Variants in PA2G4 observed in about 807,000 individuals in gnomAD.
PA2G4 encodes proliferation-associated 2G4.
Under a neutral mutation model 53.3 loss-of-function variants are expected in PA2G4, and 8 were observed. The ratio of observed to expected loss-of-function variants is 0.15; its 90% confidence interval spans 0.09 to 0.27. PA2G4 has a LOEUF of 0.27. Ranked by LOEUF, PA2G4 falls within the 10% of genes least tolerant of loss-of-function variation. PA2G4 has a pLI of 1.00. For synonymous variants in PA2G4, 143 were observed against 169.8 expected (o/e 0.84, Z 1.23); for missense variants, 208 against 486.8 (o/e 0.43, Z 5.39).
In PA2G4 at chr12:56,107,055, G is replaced by A. The variant is rs948397871; in HGVS notation, c.283G>A (p.Asp95Asn). ...ATGTCACTTCTCCCCTTTGAAGAGC[G>A]ACCAGGATTATATTCTCAAGGAAGG... ...CVCHFSPLKSDQDYILKEGDL... is the reference protein window; with the variant it reads ...CVCHFSPLKSNQDYILKEGDL... Residue 95 changes from aspartate to asparagine, a missense_variant, in exon 3 of 13, where the codon GAC becomes AAC. Asp to Asn is a conservative substitution (Grantham distance 23, BLOSUM62 1). This residue lies in a region of PA2G4 where 143 missense variants were observed against 386.8 expected (regional missense o/e 0.37). Coordinates refer to ENST00000303305, the MANE Select transcript of PA2G4 (RefSeq NM_006191.3). 6.2e-7 allele frequency: 1 copy of A among 1,613,890 alleles called. No individual in the cohort carries two copies. Among genetic ancestry groups the A allele is most frequent in the East Asian group, 2.2e-5 (1 of 44,888 alleles).
intron 5 of PA2G4, 98 bp downstream of exon 5, chr12:56,107,711 C>A: frequency 1.3e-6 from 1 of 745,466 alleles, no homozygotes; most frequent in South Asian, 1.6e-5. Context: ...CCCTACAGAC[C>A]CCTTATAAAA....
Position 56,113,870 on chromosome 12 carries a change from A to G in PA2G4, c.*982A>G. 1.4e-6 allele frequency: 1 copy of G among 702,334 alleles called. No homozygotes were observed. 43.5% of individuals were successfully genotyped at this position (702,334 alleles called of 1,614,324 possible). A position where few individuals can be genotyped will look rare whatever the true frequency, so the allele number is the denominator to read the frequency against. ...TATGAGGTTTTTAAACACATTGAAA[A>G]TGACATGACATTAAAATAAATTTGG... On this transcript the variant is annotated 3_prime_UTR_variant, in exon 13 of 13. Transcript: ENST00000303305.
chr12:56,107,421 T>C, intron 4 of PA2G4, 100 bp from the exon 5 acceptor site: 1 of 1,014,580 alleles, frequency 9.9e-7, no homozygotes, highest in Non-Finnish European at 1.6e-6. Context: ...CTCCTGTTCA[T>C]TGGCTGGTCT....
chr12:56,112,746 C>G (rs1477186042), intron 12 of PA2G4, 77 bp from the exon 13 acceptor site: 1 of 1,015,108 alleles, frequency 9.9e-7, no homozygotes, highest in South Asian at 1.4e-5. Flanking sequence ...AAAAAAAATA[C>G]TTTTATCTCT....
At chr12:56,104,987 G>A in intron 1 of PA2G4, 162 bp downstream of exon 1, 1 of 745,614 alleles carries the variant, frequency 1.3e-6, no homozygotes, top group Non-Finnish European at 2.4e-6. Context: ...GTCGCGCCTG[G>A]GACCTGAGCG....
intron 6 of PA2G4, 101 bp downstream of exon 6, chr12:56,109,394 C>A: frequency 1.3e-6 from 1 of 767,360 alleles, no homozygotes; most frequent in Non-Finnish European, 2.3e-6. Context: ...CTGAGGTGGG[C>A]GGATCACCTG....
chr12:56,105,789 G>A (rs1408710111), intron 1 of PA2G4, among the ~76,000 whole-genome samples: 2 of 152,144 alleles, frequency 1.3e-5, no homozygotes, highest in East Asian at 1.9e-4. Flanking sequence ...TTCCAGTTAG[G>A]GAGATACAAA....
At chr12:56,111,726 T>A (rs375389469) in intron 12 of PA2G4, among the ~76,000 whole-genome samples, 197 bp downstream of exon 12, 4 of 123,902 alleles carry the variant, frequency 3.2e-5, no homozygotes, top group Admixed American at 3.1e-4. Context: ...ATATATATAT[T>A]TTAAGAGACA....
chr12:56,109,009 C>T (rs1365339117), intron 5 of PA2G4, among the ~76,000 whole-genome samples: 1 of 151,398 alleles, frequency 6.6e-6, no homozygotes, highest in African/African-American at 2.4e-5. Context: ...GCCTGTAATC[C>T]CAGCTACTCA....
Position 56,113,558 on chromosome 12 carries a change from C to A in PA2G4, c.*670C>A. The A allele has an allele frequency of 2.7e-6, 1 of 372,256 alleles. No individual in the cohort carries two copies. Among genetic ancestry groups the A allele is most frequent in the Non-Finnish European group, 4.8e-6 (1 of 208,882 alleles). The allele number at this position is 372,256 out of a possible 1,614,324, so 23.1% of individuals were successfully genotyped here. A position where few individuals can be genotyped will look rare whatever the true frequency, so the allele number is the denominator to read the frequency against. On this transcript the variant is annotated 3_prime_UTR_variant, in exon 13 of 13. Transcript: ENST00000303305. ...TTCACAAAGCTGTAAAGAAATAATC[C>A]ATCTCAACCTTACCCTTTTTCTCTG... is the stretch of plus-strand genomic sequence containing the variant.
At chr12:56,112,771 C>G (rs1364984388) in intron 12 of PA2G4, 52 bp from the exon 13 acceptor site, 2 of 1,233,784 alleles carry the variant, frequency 1.6e-6, no homozygotes, top group African/African-American at 1.5e-5. Context: ...CCAGACATCC[C>G]CAAGTAGTTA....
At chr12:56,104,923 C>A in intron 1 of PA2G4, 98 bp downstream of exon 1, 2 of 1,091,486 alleles carry the variant, frequency 1.8e-6, no homozygotes, top group African/African-American at 1.5e-5. Flanking sequence ...GCGGACTGAG[C>A]TACTGAGGGG....
chr12:56,106,752 G>T, intron 2 of PA2G4, 36 bp downstream of exon 2: 1 of 1,575,208 alleles, frequency 6.3e-7, no homozygotes, highest in South Asian at 1.2e-5. Flanking sequence ...TTTTCCGTTT[G>T]ACCCTTATTT....
rs769459675 is a variant in PA2G4, at chr12:56,107,124, TC to T, written c.323+30del. The T allele has an allele frequency of 2.5e-6, 4 of 1,607,090 alleles. No homozygotes were observed. In the East Asian group the frequency reaches 8.9e-5, roughly 36 times the overall value. On this transcript the variant is annotated intron_variant, in intron 3 of 12. Coordinates refer to ENST00000303305, the MANE Select transcript of PA2G4 (RefSeq NM_006191.3). ...AGGTTAAACCGTTTTAAAGCATTTT[TC>T]TTTTTTTAAAGCATTTACAAAATGC...
Position 56,113,722 on chromosome 12 carries a change from GAC to G in PA2G4, c.*838_*839del, listed in dbSNP as rs1487172678. On this transcript the variant is annotated 3_prime_UTR_variant, in exon 13 of 13. Transcript: ENST00000303305. ...GAACCAGAGGCGTAGACTGACTGAA[GAC>G]ACAACTCCTGGCTTTCTGAAGCTAT... The G allele has an allele frequency of 3.1e-6, 2 of 648,026 alleles. No homozygotes were observed. Among genetic ancestry groups the G allele is most frequent in the African/African-American group, 3.6e-5 (2 of 55,162 alleles). 40.1% of individuals were successfully genotyped at this position (648,026 alleles called of 1,614,324 possible).
At chr12:56,108,968 A>C (rs1353027716) in intron 5 of PA2G4, among the ~76,000 whole-genome samples, 4 of 152,014 alleles carry the variant, frequency 2.6e-5, no homozygotes, top group African/African-American at 9.6e-5. Flanking sequence ...TCTTCTAAAA[A>C]TACAAAAATT....
At position 56,109,116 on chromosome 12, in the gene PA2G4, C is replaced by A; in HGVS notation, c.487-114C>A. 5 of 541,182 alleles carry A rather than the reference C, an allele frequency of 9.2e-6. No individual in the cohort carries two copies. In the South Asian group the frequency reaches 9.3e-5, roughly 10 times the overall value. 33.5% of individuals were successfully genotyped at this position (541,182 alleles called of 1,614,324 possible). On this transcript the variant is annotated intron_variant, in intron 5 of 12. Transcript: ENST00000303305. Reference sequence around the variant, plus strand: ...ACTCCAGCCTGGTGACAAAGCCAGACTCCATCTCAAAAAAAAAAAAAAAAA... The same window carrying A: ...ACTCCAGCCTGGTGACAAAGCCAGAATCCATCTCAAAAAAAAAAAAAAAAA...
chr12:56,106,417 C>G, intron 1 of PA2G4, 171 bp from the exon 2 acceptor site: 1 of 649,022 alleles, frequency 1.5e-6, no homozygotes, highest in Non-Finnish European at 2.4e-6. Flanking sequence ...ATTGTATATA[C>G]CCAGTTGTCA....
chr12:56,107,696 A>G (rs1051784656), intron 5 of PA2G4, 83 bp downstream of exon 5: 7 of 860,206 alleles, frequency 8.1e-6, no homozygotes, highest in Middle Eastern at 2.2e-4. Context: ...GAAACTACCA[A>G]CCTCCCCTAC....
Sources: allele counts gnomAD v4.1 joint callset (sites outside exome capture counted in the v4.1 genomes callset), GRCh38; gene constraint gnomAD v4.1.1; regional missense constraint gnomAD v4.1.1; transcripts MANE v1.5; gene names NCBI Gene and HGNC (gene_info 2026-07-23, HGNC 2026-07-21).